The following RSRC1 variants were observed in gnomAD, a reference collection of about 807,000 sequenced individuals.
RSRC1 encodes the protein arginine and serine rich coiled-coil 1.
In RSRC1, 39 loss-of-function variants were observed where a neutral mutation model predicts 49.1. The ratio of observed to expected loss-of-function variants is 0.79; its 90% CI spans 0.61 to 1.04. The LOEUF is 1.04. Among genes scored for constraint, RSRC1 ranks in the 50% least tolerant of loss-of-function variants. RSRC1 has a pLI of 0.00. For synonymous variants in RSRC1, 143 were observed against 130.8 expected (o/e 1.09, Z -0.63); for missense variants, 388 against 402.4 (o/e 0.96, Z 0.31).
intron 4 of RSRC1, among the ~76,000 whole-genome samples, chr3:158,280,372 T>C (rs1726071761): frequency 6.6e-6 from 1 of 152,172 alleles, no homozygotes; most frequent in Admixed American, 6.6e-5. Flanking sequence ...ACTAATTAAT[T>C]AAACTATTAG....
chr3:158,146,298 G>A (rs1001768297), intron 3 of RSRC1, among the ~76,000 whole-genome samples: 34 of 152,222 alleles, frequency 2.2e-4, no homozygotes, highest in African/African-American at 7.0e-4. Flanking sequence ...TTTGAGATAC[G>A]TCCCATCAAT....
intron 3 of RSRC1, among the ~76,000 whole-genome samples, chr3:158,188,403 C>T (rs1438301333): frequency 1.3e-5 from 2 of 151,878 alleles, no homozygotes; most frequent in African/African-American, 2.4e-5. Flanking sequence ...CTTTGCAAAT[C>T]CTAGCCACCT....
At chr3:158,432,560 C>G (rs116567282) in intron 6 of RSRC1, among the ~76,000 whole-genome samples, 2,458 of 151,974 alleles carry the variant, frequency 0.016, 53 homozygotes, top group African/African-American at 0.056. Context: ...ACAAAGCTAT[C>G]TGCAGTCTCT....
intron 3 of RSRC1, among the ~76,000 whole-genome samples, chr3:158,146,930 G>A (rs538128727): frequency 4.7e-4 from 72 of 151,924 alleles, no homozygotes; most frequent in African/African-American, 1.6e-3. Flanking sequence ...TTTTTATTAA[G>A]AAAATTTCAA....
intron 4 of RSRC1, among the ~76,000 whole-genome samples, chr3:158,252,678 A>G (rs967411008): frequency 6.6e-6 from 1 of 152,130 alleles, no homozygotes; most frequent in Non-Finnish European, 1.5e-5. Flanking sequence ...AGTTCTTTAC[A>G]TGTTTGGTAA....
In RSRC1 at chr3:158,198,062, C is replaced by T. The variant is rs531166804; in HGVS notation, c.321-5010C>T. Among the ~76,000 whole-genome samples, 16 of 152,152 alleles carry T rather than the reference C, an allele frequency of 1.1e-4. No homozygotes were observed. The East Asian group carries it at 2.1e-3, about 20-fold the overall frequency. On this transcript the variant is annotated intron_variant, in intron 3 of 9. Coordinates refer to ENST00000611884, the MANE Select transcript of RSRC1 (RefSeq NM_001271838.2). The stretch of plus-strand genomic sequence containing the variant: ...GGATATGCTTGTTAACTTTCTGTCT[C>T]GTTGATCTATCTAATGTTGACAGTG...
intron 1 of RSRC1, among the ~76,000 whole-genome samples, chr3:158,113,724 G>A (rs902806981): frequency 1.3e-5 from 2 of 152,098 alleles, no homozygotes; most frequent in African/African-American, 4.8e-5. Context: ...TCTCATTGTA[G>A]TTTTGATTTG....
intron 5 of RSRC1, among the ~76,000 whole-genome samples, chr3:158,347,386 G>A (rs1730612675): frequency 6.6e-6 from 1 of 152,142 alleles, no homozygotes; most frequent in South Asian, 2.1e-4. Flanking sequence ...GAGATGTGAA[G>A]TTATTTCAAC....
intron 4 of RSRC1, among the ~76,000 whole-genome samples, chr3:158,264,548 C>CT: frequency 6.6e-6 from 1 of 152,312 alleles, no homozygotes; most frequent in East Asian, 1.9e-4. Context: ...AAGTTCACAT[C>CT]TACTATGTCC....
At chr3:158,453,415 C>A (rs1560049496) in intron 6 of RSRC1, among the ~76,000 whole-genome samples, 1 of 147,008 alleles carries the variant, frequency 6.8e-6, no homozygotes, top group Non-Finnish European at 1.5e-5. Flanking sequence ...GAGTATTGCT[C>A]TGTCACCCAG....
intron 6 of RSRC1, among the ~76,000 whole-genome samples, chr3:158,437,205 G>T (rs1736092870): frequency 6.6e-6 from 1 of 151,760 alleles, no homozygotes; most frequent in East Asian, 1.9e-4. Flanking sequence ...CCAGAAATCA[G>T]TATAAATAAG....
At chr3:158,323,836 T>A (rs1728904438) in intron 5 of RSRC1, among the ~76,000 whole-genome samples, 2 of 152,328 alleles carry the variant, frequency 1.3e-5, no homozygotes, top group African/African-American at 4.8e-5. Flanking sequence ...TGGGTCTCCT[T>A]ATCTCCTCTT....
chr3:158,433,054 T>C (rs7610691), intron 6 of RSRC1, among the ~76,000 whole-genome samples: 78,305 of 151,660 alleles, frequency 0.52, 20,646 homozygotes, highest in South Asian at 0.6. Context: ...TCCTCTATAT[T>C]AAAACAGAGA....
At position 158,461,029 on chromosome 3, in the gene RSRC1, T is replaced by G. The variant is rs1230234736; in HGVS notation, c.652+26T>G. ...GTAAAGGCATGTGTTCATTTTTCTC[T>G]GAGAAATCACTATTTGGCTGTATTT... is the stretch of plus-strand genomic sequence containing the variant. On this transcript the variant is annotated intron_variant, in intron 7 of 9. Coordinates refer to ENST00000611884, the MANE Select transcript of RSRC1 (RefSeq NM_001271838.2). The G allele has an allele frequency of 3.9e-6, 6 of 1,536,386 alleles. No individual in the cohort carries two copies. The Admixed American group carries it at 7.0e-5, about 18-fold the overall frequency.
chr3:158,177,649 G>T (rs1030450753), intron 3 of RSRC1, among the ~76,000 whole-genome samples: 1 of 151,900 alleles, frequency 6.6e-6, no homozygotes, highest in Non-Finnish European at 1.5e-5. Flanking sequence ...GTCAGAGTGT[G>T]GGGGGCTGGG....
At chr3:158,231,410 A>T (rs533596463) in intron 4 of RSRC1, among the ~76,000 whole-genome samples, 1 of 152,168 alleles carries the variant, frequency 6.6e-6, no homozygotes, top group East Asian at 1.9e-4. Context: ...CGCTGGGACT[A>T]CAGGTGTGAG....
intron 7 of RSRC1, among the ~76,000 whole-genome samples, chr3:158,512,859 T>G (rs1364905848): frequency 1.3e-5 from 2 of 150,746 alleles, no homozygotes; most frequent in Non-Finnish European, 3.0e-5. Context: ...TCCTAAGTAT[T>G]TTATTCTCTT....
At chr3:158,360,672 C>G (rs990455602) in intron 6 of RSRC1, among the ~76,000 whole-genome samples, 1 of 152,214 alleles carries the variant, frequency 6.6e-6, no homozygotes, top group African/African-American at 2.4e-5. Flanking sequence ...ACATACCTGG[C>G]GGGGCTGTGA....
At chr3:158,254,911 G>T (rs1185103149) in intron 4 of RSRC1, among the ~76,000 whole-genome samples, 4 of 151,874 alleles carry the variant, frequency 2.6e-5, no homozygotes, top group Admixed American at 6.6e-5. Flanking sequence ...TTTTTGATGG[G>T]GTTGTTTGTT....
Sources: allele counts gnomAD v4.1 joint callset (sites outside exome capture counted in the v4.1 genomes callset), GRCh38; gene constraint gnomAD v4.1.1; transcripts MANE v1.5; gene names NCBI Gene and HGNC (gene_info 2026-07-23, HGNC 2026-07-21).